Variants in VRK2 observed in about 807,000 individuals in gnomAD.
VRK2 encodes serine/threonine-protein kinase VRK2.
Under a neutral mutation model 57.6 loss-of-function variants are expected in VRK2, and 60 were observed. The observed-to-expected ratio is 1.04, with a 90% CI of 0.85 to 1.29. The LOEUF (loss-of-function observed/expected upper bound fraction) is 1.29. VRK2 is among the 50% of genes most tolerant of loss of function. The pLI is 0.00. For missense variants in VRK2, 705 were observed against 588.1 expected, an observed-to-expected ratio of 1.20 and a Z score of -2.06; for synonymous variants, 231 against 199.2, an observed-to-expected ratio of 1.16 and a Z score of -1.35.
intron 7 of VRK2, among the ~76,000 whole-genome samples, chr2:58,096,698 T>C (rs1029901896): frequency 1.3e-4 from 19 of 151,842 alleles, no homozygotes; most frequent in Non-Finnish European, 1.9e-4. Context: ...ATTTTTTCTT[T>C]TTTCTTATTA....
chr2:58,060,360 A>G lies in VRK2; in HGVS notation c.136+11393A>G, dbSNP rs569495073. 2.6e-5 allele frequency among the ~76,000 whole-genome samples: 4 copies of G among 152,046 alleles called. No homozygotes were observed. In the East Asian group the frequency reaches 7.7e-4, roughly 29 times the overall value. On this transcript the variant is annotated intron_variant, in intron 2 of 12. Transcript: ENST00000340157. ...CTATAATAAAGAACTGCTGTAAAAAATAAGTATTTTTTTGGGGAGGGGAGC... is the reference window on the plus strand; with the variant it reads ...CTATAATAAAGAACTGCTGTAAAAAGTAAGTATTTTTTTGGGGAGGGGAGC...
intron 7 of VRK2, among the ~76,000 whole-genome samples, chr2:58,110,953 G>T (rs775600255): frequency 6.6e-6 from 1 of 152,036 alleles, no homozygotes; most frequent in Non-Finnish European, 1.5e-5. Context: ...TGGTGCACAC[G>T]CTGTGGTAGG....
intron 2 of VRK2, among the ~76,000 whole-genome samples, chr2:58,050,130 A>C (rs192697829): frequency 6.6e-6 from 1 of 152,194 alleles, no homozygotes; most frequent in South Asian, 2.1e-4. Flanking sequence ...GTAGTTTAAA[A>C]TTTTCTAGGA....
Position 57,993,481 on chromosome 2 carries a change from T to TA in VRK2, c.-438-32170dup, listed in dbSNP as rs879272262. 7.8e-3 allele frequency among the ~76,000 whole-genome samples: 1,117 copies of TA among 142,970 alleles called. 7 individuals carry two copies. Among genetic ancestry groups the TA allele is most frequent in the Middle Eastern group, 0.022 (6 of 276 alleles). The allele number at this position is 142,970 out of a possible 152,430, so 93.8% of individuals were successfully genotyped here. A position where few individuals can be genotyped will look rare whatever the true frequency, so the allele number is the denominator to read the frequency against. On this transcript the variant is annotated intron_variant, in intron 1 of 15. Transcript: ENST00000417641. The stretch of plus-strand genomic sequence containing the variant: ...AAAAAGCCATGTCCCTGCTCTGCTT[T>TA]AAAAAAAAAAAAAAGTAGCAAAAAC...
rs946594122 is a variant in VRK2, at chr2:58,123,011, C to G, written c.544-90C>G. On this transcript the variant is annotated intron_variant, in intron 7 of 12. Transcript: ENST00000340157. Reference sequence around the variant, plus strand: ...AATAAAATGTAGATCTGAGGCTGTTCTTAACCTATCAGTTTCTTAAGACTT... The same window carrying G: ...AATAAAATGTAGATCTGAGGCTGTTGTTAACCTATCAGTTTCTTAAGACTT... 1.1e-5 allele frequency: 17 copies of G among 1,483,460 alleles called. No individual in the cohort carries two copies. The African/African-American group carries it at 2.5e-4, about 22-fold the overall frequency. 91.9% of individuals were successfully genotyped at this position (1,483,460 alleles called of 1,614,324 possible). A position where few individuals can be genotyped will look rare whatever the true frequency, so the allele number is the denominator to read the frequency against.
At chr2:58,056,585 A>G (rs562764008) in intron 2 of VRK2, among the ~76,000 whole-genome samples, 70 of 142,858 alleles carry the variant, frequency 4.9e-4, no homozygotes, top group African/African-American at 1.6e-3. Context: ...TAGTGTGGCT[A>G]TTTCTGAAGA....
intron 7 of VRK2, among the ~76,000 whole-genome samples, chr2:58,120,119 G>T (rs1318318306): frequency 6.6e-6 from 1 of 150,380 alleles, no homozygotes; most frequent in Non-Finnish European, 1.5e-5. Flanking sequence ...GACTGAAACA[G>T]TCAGTAAATA....
chr2:57,973,689 T>C (rs1440713844), intron 1 of VRK2, among the ~76,000 whole-genome samples: 1 of 151,750 alleles, frequency 6.6e-6, no homozygotes, highest in African/African-American at 2.4e-5. Flanking sequence ...GAAACTATGA[T>C]TAAAATTGCA....
At chr2:57,957,059 C>G (rs917521058) in intron 1 of VRK2, among the ~76,000 whole-genome samples, 4 of 152,118 alleles carry the variant, frequency 2.6e-5, no homozygotes, top group African/African-American at 9.6e-5. Context: ...TACTACAAGA[C>G]TCAATAGAGG....
At position 58,017,020 on chromosome 2, in the gene VRK2, A is replaced by G. The variant is rs146576380; in HGVS notation, c.-438-8645A>G. On this transcript the variant is annotated intron_variant, in intron 1 of 15. Transcript: ENST00000417641. ...AACTTTTAACTCTTGTCAAAAGGGG[A>G]AAAAAAAGTTTACTTTTTTTGTACC... Among the ~76,000 whole-genome samples the G allele has an allele frequency of 2.0e-4, 30 of 152,092 alleles. 1 individual carries two copies. In the East Asian group the frequency reaches 4.5e-3, roughly 23 times the overall value.
At chr2:58,145,460 A>T (rs1390896561) in intron 11 of VRK2, among the ~76,000 whole-genome samples, 1 of 151,964 alleles carries the variant, frequency 6.6e-6, no homozygotes, top group Non-Finnish European at 1.5e-5. Context: ...AATTAATAAG[A>T]ATTTAAACTA....
intron 1 of VRK2, among the ~76,000 whole-genome samples, chr2:58,000,498 T>C (rs748900665): frequency 2.3e-4 from 35 of 152,234 alleles, no homozygotes; most frequent in Non-Finnish European, 4.7e-4. Context: ...GCATTATAAC[T>C]AGATCATTTT....
chr2:58,046,028 A>G (rs1235104459), upstream of VRK2, among the ~76,000 whole-genome samples: 2 of 152,056 alleles, frequency 1.3e-5, no homozygotes, highest in African/African-American at 4.8e-5. Flanking sequence ...TATTTTTAGT[A>G]GAGATAGGGT....
chr2:57,986,467 C>T (rs1672596129), intron 1 of VRK2, among the ~76,000 whole-genome samples: 1 of 151,456 alleles, frequency 6.6e-6, no homozygotes, highest in Non-Finnish European at 1.5e-5. Flanking sequence ...AAAGTCAAAA[C>T]AATTTTGAAA....
At chr2:57,999,443 T>C (rs1416571361) in intron 1 of VRK2, among the ~76,000 whole-genome samples, 1 of 152,170 alleles carries the variant, frequency 6.6e-6, no homozygotes, top group Non-Finnish European at 1.5e-5. Context: ...AAAGTCTCAC[T>C]AAAGTGAGCA....
intron 1 of VRK2, among the ~76,000 whole-genome samples, chr2:57,934,381 T>A (rs1245164592): frequency 6.6e-6 from 1 of 152,202 alleles, no homozygotes; most frequent in South Asian, 2.1e-4. Context: ...CCAGGGAAAG[T>A]ATTTTTTTCC....
chr2:57,994,779 G>A (rs1437932597), intron 1 of VRK2, among the ~76,000 whole-genome samples: 2 of 151,176 alleles, frequency 1.3e-5, no homozygotes, highest in Non-Finnish European at 1.5e-5. Flanking sequence ...AGTTCACTTT[G>A]CAAAAAACAA....
intron 7 of VRK2, among the ~76,000 whole-genome samples, chr2:58,106,008 A>G (rs776119519): frequency 1.3e-5 from 2 of 152,000 alleles, no homozygotes; most frequent in Non-Finnish European, 2.9e-5. Context: ...GCTTACTGAT[A>G]TACTGAAAAG....
intron 10 of VRK2, among the ~76,000 whole-genome samples, chr2:58,137,166 C>CATAT (rs1229582214): frequency 8.2e-4 from 6 of 7,300 alleles, no homozygotes; most frequent in African/African-American, 9.9e-4. Context: ...TTATATATAT[C>CATAT]ATATATCATA....
Sources: gnomAD v4.1 joint callset for allele counts (sites outside exome capture counted in the v4.1 genomes callset) on GRCh38, gnomAD v4.1.1 for gene constraint, MANE v1.5 for transcripts, NCBI Gene and HGNC (gene_info 2026-07-23, HGNC 2026-07-21) for gene names.